Variants in TMED3 observed in about 807,000 individuals in gnomAD.
TMED3 encodes transmembrane p24 trafficking protein 3, also known as transmembrane emp24 domain-containing protein 3.
Under a neutral mutation model 15.0 loss-of-function variants are expected in TMED3, and 9 were observed. The observed-to-expected ratio is 0.60, with a 90% CI of 0.36 to 1.04. The LOEUF is 1.04. Among genes scored for constraint, TMED3 ranks in the 50% least tolerant of loss-of-function variants. The pLI, the probability that TMED3 is intolerant of heterozygous loss-of-function variation, is 0.01. For synonymous variants in TMED3, 117 were observed against 121.4 expected, an observed-to-expected ratio of 0.96 and a Z score of 0.24; for missense variants, 267 against 278.9, an observed-to-expected ratio of 0.96 and a Z score of 0.30.
intron 2 of TMED3, among the ~76,000 whole-genome samples, chr15:79,394,453 G>A (rs1167815435): frequency 2.0e-5 from 3 of 152,188 alleles, no homozygotes; most frequent in Admixed American, 2.0e-4. Flanking sequence ...AAATACACAT[G>A]GGGAGGGAAG....
chr15:79,398,955 G>A (rs1441024996), intron 2 of TMED3, among the ~76,000 whole-genome samples: 1 of 152,132 alleles, frequency 6.6e-6, no homozygotes, highest in Non-Finnish European at 1.5e-5. Context: ...CTGTTGCCCA[G>A]GCCGGAGTGC....
Position 79,353,248 on chromosome 15 carries a change from A to C in TMED3, c.417+39243A>C, listed in dbSNP as rs1240265447. 4.5e-5 allele frequency among the ~76,000 whole-genome samples: 3 copies of C among 67,014 alleles called. No homozygotes were observed. In the South Asian group the frequency reaches 1.2e-3, roughly 27 times the overall value. The allele number at this position is 67,014 out of a possible 152,430, so 44.0% of individuals were successfully genotyped here. ...ACATAATATATAAAATATATATACT[A>C]TATATAATATATATTATATATAATA... On this transcript the variant is annotated intron_variant, in intron 2 of 2. Coordinates refer to the TMED3 transcript ENST00000424155.
At chr15:79,317,619 T>TGC (rs10660846) in intron 2 of TMED3, among the ~76,000 whole-genome samples, 3 of 151,704 alleles carry the variant, frequency 2.0e-5, no homozygotes, top group African/African-American at 4.9e-5. Flanking sequence ...TATGTGTGTG[T>TGC]GCCACACATA....
intron 2 of TMED3, among the ~76,000 whole-genome samples, chr15:79,353,003 AATATATATTATATAAAATAT>A (rs1261244343): frequency 5.4e-5 from 6 of 111,710 alleles, no homozygotes; most frequent in Non-Finnish European, 6.7e-5. Flanking sequence ...TGTTATATAA[AATATATATTATATAAAATAT>A]ATATATTTTA....
intron 2 of TMED3, among the ~76,000 whole-genome samples, chr15:79,317,115 T>C (rs900955183): frequency 4.9e-4 from 75 of 152,284 alleles, no homozygotes; most frequent in African/African-American, 1.8e-3. Context: ...CTGTAGAGTA[T>C]CACCTGTTGC....
At chr15:79,378,425 T>G (rs1187478747) in intron 2 of TMED3, among the ~76,000 whole-genome samples, 1 of 152,250 alleles carries the variant, frequency 6.6e-6, no homozygotes, top group Non-Finnish European at 1.5e-5. Flanking sequence ...AAGCCTCTTT[T>G]GATTTTATGG....
At chr15:79,373,017 G>T (rs1446386905) in intron 2 of TMED3, among the ~76,000 whole-genome samples, 4 of 152,182 alleles carry the variant, frequency 2.6e-5, no homozygotes, top group Non-Finnish European at 4.4e-5. Flanking sequence ...CCAGAGCCTA[G>T]CTCACTGGTA....
At chr15:79,384,751 G>T (rs1893601681) in intron 2 of TMED3, 1 of 152,168 alleles carries the variant, frequency 6.6e-6, no homozygotes, top group East Asian at 1.9e-4. Context: ...TCTGGGTGTG[G>T]TGGCTCATGC....
At chr15:79,402,579 A>G (rs1348392312) in intron 2 of TMED3, among the ~76,000 whole-genome samples, 1 of 152,036 alleles carries the variant, frequency 6.6e-6, no homozygotes, top group Non-Finnish European at 1.5e-5. Flanking sequence ...GGGGTTCAAG[A>G]CCAAACTGGC....
intron 2 of TMED3, among the ~76,000 whole-genome samples, chr15:79,407,674 A>G (rs1181104291): frequency 2.0e-5 from 3 of 152,180 alleles, no homozygotes; most frequent in Non-Finnish European, 4.4e-5. Flanking sequence ...TCATTTGTTT[A>G]TGTATTGCCT....
chr15:79,345,167 T>G lies in TMED3; in HGVS notation c.417+31162T>G, dbSNP rs138101039. 1.3e-3 allele frequency among the ~76,000 whole-genome samples: 193 copies of G among 152,330 alleles called. 1 individual carries two copies. Among genetic ancestry groups the G allele is most frequent in the African/African-American group, 4.3e-3 (180 of 41,574 alleles). ...ATTTACTTTATTTTTTATTAACTTT[T>G]AAGTTCAGGGGTACATGTGCAGGTT... On this transcript the variant is annotated intron_variant, in intron 2 of 2. Transcript: ENST00000424155.
intron 2 of TMED3, among the ~76,000 whole-genome samples, chr15:79,406,935 A>G (rs546435070): frequency 1.6e-4 from 25 of 152,306 alleles, no homozygotes; most frequent in African/African-American, 5.8e-4. Flanking sequence ...AGCATTTTCT[A>G]GTGTCAGTCC....
intron 2 of TMED3, among the ~76,000 whole-genome samples, chr15:79,357,427 G>C (rs2058923653): frequency 7.7e-6 from 1 of 129,892 alleles, no homozygotes; most frequent in South Asian, 2.5e-4. Flanking sequence ...TGAGGCTGCA[G>C]TGAACTGTGA....
chr15:79,358,891 A>G lies in TMED3; in HGVS notation c.417+44886A>G, dbSNP rs901576971. ...CAGGGACAGGAGAGCCGTGGCCTGG[A>G]CAGGGTTCCTGATTCCTCCAGTCTG... On this transcript the variant is annotated intron_variant, in intron 2 of 2. Coordinates refer to the TMED3 transcript ENST00000424155. Among the ~76,000 whole-genome samples, 3 of 152,252 alleles carry G rather than the reference A, an allele frequency of 2.0e-5. No individual in the cohort carries two copies. The South Asian group carries it at 6.2e-4, about 32-fold the overall frequency.
chr15:79,380,950 G>T (rs1353602529), intron 2 of TMED3, among the ~76,000 whole-genome samples: 1 of 152,144 alleles, frequency 6.6e-6, no homozygotes, highest in Non-Finnish European at 1.5e-5. Flanking sequence ...ATGCACAATA[G>T]TAAGATTCAG....
At chr15:79,328,418 T>A (rs2058795245) in intron 2 of TMED3, among the ~76,000 whole-genome samples, 1 of 152,242 alleles carries the variant, frequency 6.6e-6, no homozygotes, top group Admixed American at 6.5e-5. Flanking sequence ...AAAATTTATC[T>A]ATTCCCCTGA....
chr15:79,375,921 T>C (rs56785903), intron 2 of TMED3, among the ~76,000 whole-genome samples: 20 of 152,242 alleles, frequency 1.3e-4, no homozygotes, highest in African/African-American at 4.6e-4. Context: ...TGTCCTGTCA[T>C]CCTCTGCATC....
intron 2 of TMED3, among the ~76,000 whole-genome samples, chr15:79,386,696 G>C (rs916494517): frequency 7.5e-6 from 1 of 133,390 alleles, no homozygotes; most frequent in Middle Eastern, 3.5e-3. Flanking sequence ...GGGCCACCAT[G>C]CCTGGCTATT....
At chr15:79,312,536 G>A (rs1158289803) in intron 1 of TMED3, among the ~76,000 whole-genome samples, 2 of 152,188 alleles carry the variant, frequency 1.3e-5, no homozygotes, top group African/African-American at 4.8e-5. Flanking sequence ...AGCTTGCTGA[G>A]CAGGACTAGT....
Sources: allele counts gnomAD v4.1 joint callset (sites outside exome capture counted in the v4.1 genomes callset), GRCh38; gene constraint gnomAD v4.1.1; transcripts MANE v1.5; gene names NCBI Gene and HGNC (gene_info 2026-07-23, HGNC 2026-07-21).